Variants in OCRL observed in about 807,000 individuals in gnomAD.
OCRL encodes inositol polyphosphate 5-phosphatase OCRL.
OCRL carries 8 observed loss-of-function variants against 78.9 expected under a neutral mutation model. That is an observed-to-expected ratio of 0.10 (90% confidence interval 0.06 to 0.18). The LOEUF is 0.18. OCRL is among the 10% of genes least tolerant of loss of function. The pLI, the probability that OCRL is intolerant of heterozygous loss-of-function variation, is 1.00. For missense variants in OCRL, 454 were observed against 696.7 expected (o/e 0.65, Z 3.92); for synonymous variants, 240 against 235.4 (o/e 1.02, Z -0.18).
In OCRL at chrX:129,548,553, C is replaced by T. The variant is rs1935920109; in HGVS notation, c.200-10C>T. On this transcript the variant is annotated splice_polypyrimidine_tract_variant and intron_variant, in intron 3 of 23. Coordinates refer to ENST00000371113, the MANE Select transcript of OCRL (RefSeq NM_000276.4). Reference sequence around the variant, plus strand: ...TCCCTAATCCTACTCTCTTTTTTTTCCCCTCTCAGAAGCAGAAGAAACTCT... The same window carrying T: ...TCCCTAATCCTACTCTCTTTTTTTTTCCCTCTCAGAAGCAGAAGAAACTCT... 8.4e-7 allele frequency: 1 copy of T among 1,191,871 alleles called. No homozygotes were observed. Among genetic ancestry groups the T allele is most frequent in the South Asian group, 1.8e-5 (1 of 56,253 alleles).
chrX:129,566,570 T>A (rs2124410103), intron 13 of OCRL, among the ~76,000 whole-genome samples: 1 of 112,727 alleles, frequency 8.9e-6, no homozygotes, highest in Non-Finnish European at 1.9e-5. Context: ...CTGCTAAAAG[T>A]GAATGCTTCT....
intron 15 of OCRL, among the ~76,000 whole-genome samples, chrX:129,572,955 G>A (rs1167275285): frequency 1.8e-5 from 2 of 111,869 alleles, no homozygotes; most frequent in Non-Finnish European, 1.9e-5. Context: ...CTCAACTATC[G>A]GAACAAAAAT....
chrX:129,548,774 T>G (rs1006979654), intron 4 of OCRL, among the ~76,000 whole-genome samples, 173 bp downstream of exon 4: 2 of 112,289 alleles, frequency 1.8e-5, no homozygotes, highest in Non-Finnish European at 3.8e-5. Context: ...AGGCTAAGCC[T>G]AAGAAAAAGC....
chrX:129,557,279 C>T (rs1460249490), intron 4 of OCRL, 46 bp from the exon 5 acceptor site: 7 of 1,066,194 alleles, frequency 6.6e-6, no homozygotes, highest in East Asian at 3.0e-5. Flanking sequence ...CCCAGTAAAA[C>T]ATTTTATCCC....
intron 8 of OCRL, 81 bp from the exon 9 acceptor site, chrX:129,560,469 G>C: frequency 1.7e-6 from 1 of 604,173 alleles, no homozygotes. Flanking sequence ...ACATACCTTT[G>C]TATGGAAGCG....
At chrX:129,542,093 G>A (rs1691387733) in intron 2 of OCRL, among the ~76,000 whole-genome samples, 1 of 112,305 alleles carries the variant, frequency 8.9e-6, no homozygotes, top group African/African-American at 3.2e-5. Flanking sequence ...GGGCAAACCA[G>A]TAAAACTTGT....
chrX:129,589,871 T>C lies in OCRL; in HGVS notation c.2496T>C (p.His832=). The change falls in exon 23 of 24, where the codon CAT becomes CAC. Residue 832 remains histidine (H), a synonymous_variant. Coordinates refer to ENST00000371113, the MANE Select transcript of OCRL (RefSeq NM_000276.4). ...TGATCTCCCAGCTTCCGAGATGCCA[T>C]AGAAATGTTTTCCGTTACTTGATGG... ...RQVISQLPRC[H]RNVFRYLMAF... is the part of the protein sequence containing the mutation. 7 of 1,210,042 alleles carry C rather than the reference T, an allele frequency of 5.8e-6. No homozygotes were observed. The highest frequency in any genetic ancestry group is 7.8e-6 in the Non-Finnish European group (7 of 893,868).
At chrX:129,574,569 T>C (rs1398591258) in intron 15 of OCRL, among the ~76,000 whole-genome samples, 1 of 112,251 alleles carries the variant, frequency 8.9e-6, no homozygotes, top group African/African-American at 3.2e-5. Context: ...GTATTGTACA[T>C]AGAATCTAAT....
rs1450796865 is a variant in OCRL at position 129,582,554 on chromosome X, T to C, written c.2116-1790T>C. ...GAGGAAAAATATAAAATGTGTCAGA[T>C]AGATTCTTCATTTGATAACAAGTCC... On this transcript the variant is annotated intron_variant, in intron 18 of 23. Coordinates refer to ENST00000371113, the MANE Select transcript of OCRL (RefSeq NM_000276.4). Among the ~76,000 whole-genome samples the C allele has an allele frequency of 2.7e-5, 3 of 112,579 alleles. No individual in the cohort carries two copies. In the East Asian group the frequency reaches 8.3e-4, roughly 31 times the overall value.
chrX:129,546,304 A>G lies in OCRL; in HGVS notation c.199+1267A>G, dbSNP rs755275999. Among the ~76,000 whole-genome samples, 14 of 111,791 alleles carry G rather than the reference A, an allele frequency of 1.3e-4. No individual in the cohort carries two copies. The East Asian group carries it at 3.1e-3, about 24-fold the overall frequency. ...TTTTCCATGCCATTAATGGCTATAT[A>G]CCATACCAGTTTATGAATGGTCCAT... is the stretch of plus-strand genomic sequence containing the variant. On this transcript the variant is annotated intron_variant, in intron 3 of 23. Transcript: ENST00000371113.
rs563763701 is a variant in OCRL, at chrX:129,548,559, T to C, written c.200-4T>C. 10 of 1,200,748 alleles carry C rather than the reference T, an allele frequency of 8.3e-6. No homozygotes were observed. Among genetic ancestry groups the C allele is most frequent in the Middle Eastern group, 2.3e-4 (1 of 4,327 alleles). On this transcript the variant is annotated splice_polypyrimidine_tract_variant and splice_region_variant and intron_variant, in intron 3 of 23. Transcript: ENST00000371113. ...ATCCTACTCTCTTTTTTTTCCCCTC[T>C]CAGAAGCAGAAGAAACTCTTTTGAT...
intron 15 of OCRL, among the ~76,000 whole-genome samples, 184 bp from the exon 16 acceptor site, chrX:129,574,956 A>T (rs1341732065): frequency 8.9e-6 from 1 of 112,187 alleles, no homozygotes; most frequent in African/African-American, 3.2e-5. Context: ...TAAAGCAAGG[A>T]TCTGTTTTCT....
intron 4 of OCRL, among the ~76,000 whole-genome samples, chrX:129,555,865 T>C (rs1041843215): frequency 9.8e-5 from 11 of 112,104 alleles, no homozygotes; most frequent in Non-Finnish European, 2.1e-4. Context: ...TAAAACCACA[T>C]TTAGTATAAA....
chrX:129,571,217 A>G lies in OCRL; in HGVS notation c.1602+1818A>G, dbSNP rs961706884. Among the ~76,000 whole-genome samples, 42 of 111,074 alleles carry G rather than the reference A, an allele frequency of 3.8e-4. 1 individual carries two copies. The highest frequency in any genetic ancestry group is 4.9e-4 in the Non-Finnish European group (26 of 52,967). ...ACTTGCAGGCTGCCCCTTTTTCTTC[A>G]TTTGAATTCTCTTAATCCATTTTGA... On this transcript the variant is annotated intron_variant, in intron 15 of 23. Transcript: ENST00000371113.
At position 129,548,589 on chromosome X, in the gene OCRL, A is replaced by G; in HGVS notation, c.226A>G (p.Ile76Val). Residue 76 changes from isoleucine (I) to valine (V), a missense_variant, in exon 4 of 24, where the codon ATA becomes GTA. Ile to Val is a conservative substitution (Grantham distance 29, BLOSUM62 3). Around this residue, in one of 2 missense-constraint regions of OCRL, gnomAD observed 177 missense variants for 179.6 expected, o/e 0.99. Transcript: ENST00000371113. ...AGCAGAAGAAACTCTTTTGATTGACATAGCTTCTAACAGTGAGTATCTTTC... is the reference window on the plus strand; with the variant it reads ...AGCAGAAGAAACTCTTTTGATTGACGTAGCTTCTAACAGTGAGTATCTTTC... ...QEAEETLLID[I>V]ASNSGCKIRV... is the part of the protein sequence containing the mutation. The G allele has an allele frequency of 8.3e-7, 1 of 1,200,348 alleles. No homozygotes were observed. Among genetic ancestry groups the G allele is most frequent in the East Asian group, 3.0e-5 (1 of 33,743 alleles).
chrX:129,576,248 T>C, intron 17 of OCRL, 69 bp from the exon 18 acceptor site: 2 of 1,035,365 alleles, frequency 1.9e-6, no homozygotes, highest in Non-Finnish European at 2.7e-6. Flanking sequence ...TTTCTGTTGG[T>C]TCTTATACTC....
In OCRL at chrX:129,591,547, C is replaced by T. The variant is rs889855829; in HGVS notation, c.*1277C>T. The T allele has an allele frequency of 8.9e-6, 1 of 112,403 alleles. No homozygotes were observed. Among genetic ancestry groups the T allele is most frequent in the Admixed American group, 9.5e-5 (1 of 10,577 alleles). 9.3% of individuals were successfully genotyped at this position (112,403 alleles called of 1,213,427 possible). A position where few individuals can be genotyped will look rare whatever the true frequency, so the allele number is the denominator to read the frequency against. On this transcript the variant is annotated 3_prime_UTR_variant, in exon 24 of 24. Coordinates refer to ENST00000371113, the MANE Select transcript of OCRL (RefSeq NM_000276.4). ...TGACAAACAAGCCACCAACCACTGA[C>T]TGCAAAACTGCCTGATGCAGTTGGG...
At position 129,569,253 on chromosome X, in the gene OCRL, T is replaced by G. The variant is rs1267058366; in HGVS notation, c.1467-11T>G. The G allele has an allele frequency of 5.8e-6, 7 of 1,209,339 alleles. No individual in the cohort carries two copies. The highest frequency in any genetic ancestry group is 7.8e-6 in the Non-Finnish European group (7 of 894,395). Reference sequence around the variant, plus strand: ...ATATGTTCTCTTTATAACTCGTTTCTTTACTTACAGTGGGAAATGCCGGGT... The same window carrying G: ...ATATGTTCTCTTTATAACTCGTTTCGTTACTTACAGTGGGAAATGCCGGGT... On this transcript the variant is annotated splice_polypyrimidine_tract_variant and intron_variant, in intron 14 of 23. Transcript: ENST00000371113.
intron 10 of OCRL, 89 bp from the exon 11 acceptor site, chrX:129,562,295 A>G: frequency 1.4e-6 from 1 of 716,638 alleles, no homozygotes; most frequent in Non-Finnish European, 2.3e-6. Context: ...CTAGTATATC[A>G]TCTTGATGGA....
Sources: gnomAD v4.1 joint callset for allele counts (sites outside exome capture counted in the v4.1 genomes callset) on GRCh38, gnomAD v4.1.1 for gene constraint, gnomAD v4.1.1 regional missense constraint, MANE v1.5 for transcripts, NCBI Gene and HGNC (gene_info 2026-07-23, HGNC 2026-07-21) for gene names.